The following SLC22A7 variants were observed in gnomAD, a reference collection of about 807,000 sequenced individuals.
SLC22A7 encodes the protein solute carrier family 22 member 7.
A neutral mutation model predicts 62.2 loss-of-function variants in SLC22A7; 48 were observed. That is an observed-to-expected ratio of 0.77 (90% CI 0.61 to 0.98). The LOEUF is 0.98. Among genes scored for constraint, SLC22A7 ranks in the 50% least tolerant of loss-of-function variants. The pLI is 0.00. For synonymous variants in SLC22A7, 276 were observed against 314.8 expected (o/e 0.88, Z 1.30); for missense variants, 581 against 703.8 (o/e 0.83, Z 1.97).
intron 10 of SLC22A7, 119 bp from the exon 11 acceptor site, chr6:43,304,552 G>A (rs986919467): frequency 8.6e-6 from 7 of 810,330 alleles, no homozygotes; most frequent in Non-Finnish European, 1.2e-5. Context: ...TGAGTCACTT[G>A]TACAGGCGTT....
rs1451268666 is a variant in SLC22A7, at chr6:43,298,423, C to T, written c.65C>T (p.Ala22Val). 6 of 1,613,970 alleles carry T rather than the reference C, an allele frequency of 3.7e-6. No individual in the cohort carries two copies. Among genetic ancestry groups the T allele is most frequent in the Admixed American group, 3.3e-5 (2 of 60,000 alleles). Reference sequence around the variant, plus strand: ...GGGCCCTTCCAACTGCGGAATGTGGCACTGCTGGCCCTGCCCCGAGTGCTG... The same window carrying T: ...GGGCCCTTCCAACTGCGGAATGTGGTACTGCTGGCCCTGCCCCGAGTGCTG... ...GFGPFQLRNV[A>V]LLALPRVLLP... Residue 22 changes from alanine (A) to valine (V), a missense_variant, in exon 1 of 11, where the codon GCA becomes GTA. Ala to Val is a moderately conservative substitution (Grantham distance 64, BLOSUM62 0). Coordinates refer to ENST00000372585, the MANE Select transcript of SLC22A7 (RefSeq NM_153320.2).
chr6:43,301,541 T>A, intron 6 of SLC22A7, 42 bp from the exon 7 acceptor site: 1 of 1,492,000 alleles, frequency 6.7e-7, no homozygotes, highest in Non-Finnish European at 9.3e-7. Flanking sequence ...TGAGATCACA[T>A]AGCCAACTCT....
At chr6:43,298,123 T>C, upstream of SLC22A7, 1 of 534,544 alleles carries the variant, frequency 1.9e-6, no homozygotes, top group South Asian at 2.8e-5. Flanking sequence ...CAGTGACCTC[T>C]GAATGGATGG....
At chr6:43,298,819 G>A in intron 1 of SLC22A7, 68 bp downstream of exon 1, 4 of 1,511,526 alleles carry the variant, frequency 2.6e-6, no homozygotes, top group Non-Finnish European at 1.8e-6. Flanking sequence ...GGTGGTTACT[G>A]TGTAGGCATT....
intron 1 of SLC22A7, among the ~76,000 whole-genome samples, 155 bp downstream of exon 1, chr6:43,298,906 T>C (rs1171634014): frequency 6.6e-6 from 1 of 152,204 alleles, no homozygotes; most frequent in African/African-American, 2.4e-5. Flanking sequence ...GCACTTTTAG[T>C]TCATGGCTTG....
upstream of SLC22A7, among the ~76,000 whole-genome samples, chr6:43,297,810 G>A (rs899857263): frequency 6.6e-6 from 1 of 152,204 alleles, no homozygotes; most frequent in Non-Finnish European, 1.5e-5. Context: ...AGAGGGATGC[G>A]AGGAGGCCTC....
chr6:43,303,435 G>A (rs894298793), intron 9 of SLC22A7, among the ~76,000 whole-genome samples: 1 of 152,120 alleles, frequency 6.6e-6, no homozygotes, highest in Admixed American at 6.5e-5. Flanking sequence ...ACTCCAGCCT[G>A]GGCGAGAAAC....
At position 43,298,277 on chromosome 6, in the gene SLC22A7, C is replaced by T; in HGVS notation, c.-82C>T. The T allele has an allele frequency of 7.9e-7, 1 of 1,261,866 alleles. No homozygotes were observed. The highest frequency in any genetic ancestry group is 1.1e-6 in the Non-Finnish European group (1 of 902,966). The allele number at this position is 1,261,866 out of a possible 1,614,324, so 78.2% of individuals were successfully genotyped here. On this transcript the variant is annotated 5_prime_UTR_variant, in exon 1 of 11. Transcript: ENST00000372585. ...GTCCATCCACTCCCACCTCCAGAGT[C>T]CAAGGGTCTATGTGGTGGGCAGTTT...
chr6:43,304,928 G>A lies in SLC22A7; in HGVS notation c.*203G>A. ...ACTTCCCAGAATGCAGTGGGCTGCT[G>A]GGCACCCCTCTCACGGTTGGGGAGG... is the stretch of plus-strand genomic sequence containing the variant. On this transcript the variant is annotated 3_prime_UTR_variant, in exon 11 of 11. Coordinates refer to ENST00000372585, the MANE Select transcript of SLC22A7 (RefSeq NM_153320.2). 1 of 447,520 alleles carries A rather than the reference G, an allele frequency of 2.2e-6. No individual in the cohort carries two copies. The highest frequency in any genetic ancestry group is 3.9e-6 in the Non-Finnish European group (1 of 253,248). 27.7% of individuals were successfully genotyped at this position (447,520 alleles called of 1,614,324 possible).
chr6:43,305,033 G>C lies in SLC22A7; in HGVS notation c.*308G>C. On this transcript the variant is annotated 3_prime_UTR_variant, in exon 11 of 11. Coordinates refer to ENST00000372585, the MANE Select transcript of SLC22A7 (RefSeq NM_153320.2). ...AGAGCCCTGGATAGGAAGCCACTGA[G>C]TCTGCCCTGGGCTCTGATAAAACCT... 1 of 272,256 alleles carries C rather than the reference G, an allele frequency of 3.7e-6. No homozygotes were observed. Among genetic ancestry groups the C allele is most frequent in the Non-Finnish European group, 6.9e-6 (1 of 145,800 alleles). 16.9% of individuals were successfully genotyped at this position (272,256 alleles called of 1,614,324 possible).
At chr6:43,296,829 T>G (rs1042562934), upstream of SLC22A7, among the ~76,000 whole-genome samples, 7 of 152,056 alleles carry the variant, frequency 4.6e-5, no homozygotes, top group African/African-American at 1.4e-4. Context: ...CAGAAGCTGG[T>G]GAAGGGTTTT....
In SLC22A7 at chr6:43,304,734, G is replaced by A. The variant is rs1778882109; in HGVS notation, c.*9G>A. On this transcript the variant is annotated 3_prime_UTR_variant, in exon 11 of 11. Transcript: ENST00000372585. The stretch of plus-strand genomic sequence containing the variant: ...AGCAGGTCCAGAACTAAGTGGGAGT[G>A]GAGGCAGGCCCTCCACAGAAGCTCT... 1 of 1,563,696 alleles carries A rather than the reference G, an allele frequency of 6.4e-7. No homozygotes were observed. The highest frequency in any genetic ancestry group is 1.4e-5 in the African/African-American group (1 of 73,240).
chr6:43,301,781 G>A (rs1778761291), intron 7 of SLC22A7, 89 bp downstream of exon 7: 1 of 888,818 alleles, frequency 1.1e-6, no homozygotes, highest in Non-Finnish European at 1.7e-6. Context: ...GGGCTCTGAG[G>A]GACAAGTAGA....
At chr6:43,295,882 T>C (rs538061501), upstream of SLC22A7, 1 of 152,192 alleles carries the variant, frequency 6.6e-6, no homozygotes, top group Non-Finnish European at 1.5e-5. Context: ...CAAATTACTC[T>C]CTGGAGAAAG....
intron 5 of SLC22A7, 137 bp from the exon 6 acceptor site, chr6:43,300,998 C>A: frequency 9.1e-7 from 1 of 1,102,462 alleles, no homozygotes; most frequent in Non-Finnish European, 1.3e-6. Flanking sequence ...GTGTGGAGGG[C>A]TTGGGGAGGA....
rs1312921266 is a variant in SLC22A7 at position 43,302,266 on chromosome 6, C to G, written c.1128C>G (p.Tyr376Ter). 1 of 1,612,438 alleles carries G rather than the reference C, an allele frequency of 6.2e-7. No individual in the cohort carries two copies. The highest frequency in any genetic ancestry group is 1.7e-5 in the Admixed American group (1 of 59,876). ...TGTCGGGGCTGGGGCTGAACGTGTA[C>G]CAGACACAGCTGTTGTTCGGGGCTG... ...LDVSGLGLNV[Y>*]QTQLLFGAVE... Residue 376 changes from tyrosine (Y) to a stop codon, truncating the protein, a stop_gained, in exon 8 of 11, where the codon TAC (tyrosine) becomes TAG (stop). Coordinates refer to ENST00000372585, the MANE Select transcript of SLC22A7 (RefSeq NM_153320.2). LOFTEE classifies it high-confidence loss of function. This position sits in a 1 kb window ranked among gnomAD's most constrained non-coding sequence, Gnocchi z 5.0.
chr6:43,296,201 G>A (rs1336827542), upstream of SLC22A7, among the ~76,000 whole-genome samples: 1 of 152,254 alleles, frequency 6.6e-6, no homozygotes, highest in Non-Finnish European at 1.5e-5. Context: ...CACTGTGCCT[G>A]GCCAGGGCTG....
At chr6:43,303,706 G>A (rs915803123) in intron 9 of SLC22A7, among the ~76,000 whole-genome samples, 2 of 152,080 alleles carry the variant, frequency 1.3e-5, no homozygotes, top group African/African-American at 2.4e-5. Flanking sequence ...TTGCCTCCTC[G>A]AACAACATGG....
intron 5 of SLC22A7, 78 bp downstream of exon 5, chr6:43,300,144 A>G: frequency 5.5e-6 from 8 of 1,461,050 alleles, no homozygotes; most frequent in Non-Finnish European, 7.5e-6. Flanking sequence ...AGATTTGAGG[A>G]TAGAGAGATT....
Sources: gnomAD v4.1 joint callset for allele counts (sites outside exome capture counted in the v4.1 genomes callset) on GRCh38, gnomAD v4.1.1 for gene constraint, Gnocchi (gnomAD v3.1) non-coding constraint, MANE v1.5 for transcripts, NCBI Gene and HGNC (gene_info 2026-07-23, HGNC 2026-07-21) for gene names.